The following NIN variants were observed in gnomAD, a reference collection of about 807,000 sequenced individuals.
The protein encoded by NIN is glycogen synthase kinase 3 beta-interacting protein.
NIN carries 137 observed loss-of-function variants against 257.6 expected under a neutral mutation model. The ratio of observed to expected loss-of-function variants is 0.53; its 90% confidence interval spans 0.46 to 0.61. The LOEUF is 0.61. Ranked by LOEUF, NIN falls within the 20% of genes least tolerant of loss-of-function variation. The pLI, the probability that NIN is intolerant of heterozygous loss-of-function variation, is 0.00. For synonymous variants in NIN, 918 were observed against 919.8 expected (o/e 1.00, Z 0.04); for missense variants, 2,439 against 2,501.2 (o/e 0.98, Z 0.53).
At chr14:50,761,740 C>T (rs750670961) in intron 16 of NIN, 50 bp downstream of exon 16, 1 of 1,609,876 alleles carries the variant, frequency 6.2e-7, no homozygotes, top group Non-Finnish European at 8.5e-7. Context: ...ACACATAAGC[C>T]TGTCAGAGCC....
chr14:50,766,737 A>T (rs371951478), intron 13 of NIN, 43 bp downstream of exon 13: 2 of 1,367,254 alleles, frequency 1.5e-6, no homozygotes, highest in African/African-American at 2.9e-5. Flanking sequence ...TAAACTACAT[A>T]AAGTAGGCTG....
Position 50,757,745 on chromosome 14 carries a change from T to C in NIN, c.3285A>G (p.Leu1095=), listed in dbSNP as rs907572079. The stretch of plus-strand genomic sequence containing the variant: ...TTACTAACCCTGGCTCTAACTTTTG[T>C]AGCCTCTGTTGCAATCTAGAAATTT... The part of the protein sequence containing the change: ...ATEISRLQQR[L]QKLEPGLVMS... Residue 1095 remains leucine (L), a synonymous_variant, in exon 18 of 31, where the codon CTA becomes CTG. Transcript: ENST00000530997. 5.0e-6 allele frequency: 8 copies of C among 1,614,112 alleles called. No homozygotes were observed. In the African/African-American group the frequency reaches 1.1e-4, roughly 22 times the overall value.
chr14:50,748,530 G>T lies in NIN; in HGVS notation c.4951-425C>A, dbSNP rs1377761650. Among the ~76,000 whole-genome samples the T allele has an allele frequency of 2.6e-5, 4 of 152,180 alleles. No homozygotes were observed. The East Asian group carries it at 7.7e-4, about 29-fold the overall frequency. ...TCAAATAGGAAGAGAGGAAGTCAGA[G>T]TGTCTCTGTTTGCAGATGACGTGAT... On this transcript the variant is annotated intron_variant, in intron 21 of 30. Coordinates refer to ENST00000530997, the MANE Select transcript of NIN (RefSeq NM_020921.4).
Position 50,770,902 on chromosome 14 carries a change from C to G in NIN, c.1209G>C (p.Glu403Asp), listed in dbSNP as rs775270274. ...AEKLKSLMAS[E>D]VDDHHAAIER... is the part of the protein sequence containing the mutation. ...CTATGGCCGCATGGTGATCATCCAC[C>G]TCCGAGGCCATTAAAGACTTGAGCT... Residue 403 changes from glutamate (E) to aspartate (D), a missense_variant, in exon 11 of 31, where the codon GAG becomes GAC. Physicochemically the swap from Glu to Asp is conservative, Grantham distance 45. Around this residue, in one of 3 missense-constraint regions of NIN, gnomAD observed 2,043 missense variants for 2,050.2 expected, o/e 1.00. Coordinates refer to ENST00000530997, the MANE Select transcript of NIN (RefSeq NM_020921.4). The G allele has an allele frequency of 6.2e-7, 1 of 1,614,222 alleles. No individual in the cohort carries two copies. The highest frequency in any genetic ancestry group is 8.5e-7 in the Non-Finnish European group (1 of 1,180,034).
At chr14:50,735,751 CA>C in intron 27 of NIN, 134 bp from the exon 28 acceptor site, 1 of 1,143,752 alleles carries the variant, frequency 8.7e-7, no homozygotes, top group Non-Finnish European at 1.2e-6. Flanking sequence ...CAGTGACAAA[CA>C]AATAATACAA....
At chr14:50,821,521 C>A (rs2045221262) in intron 3 of NIN, among the ~76,000 whole-genome samples, 3 of 152,214 alleles carry the variant, frequency 2.0e-5, no homozygotes, top group African/African-American at 7.2e-5. Flanking sequence ...TTTCTTACTG[C>A]ATTTTCTTTC....
chr14:50,747,362 T>C (rs2041593030), intron 22 of NIN, among the ~76,000 whole-genome samples: 1 of 152,194 alleles, frequency 6.6e-6, no homozygotes, highest in Non-Finnish European at 1.5e-5. Context: ...GACAAACATA[T>C]GTTACTTTAT....
chr14:50,766,946 G>C (rs2042512567), intron 12 of NIN, 56 bp from the exon 13 acceptor site: 1 of 1,191,124 alleles, frequency 8.4e-7, no homozygotes, highest in South Asian at 1.2e-5. Context: ...AGCAAACTGT[G>C]GTACTATTTT....
At chr14:50,798,570 T>C (rs1056110214) in intron 4 of NIN, among the ~76,000 whole-genome samples, 1 of 152,228 alleles carries the variant, frequency 6.6e-6, no homozygotes, top group Non-Finnish European at 1.5e-5. Context: ...AACCTTTTCA[T>C]AGGAGGATCA....
intron 3 of NIN, among the ~76,000 whole-genome samples, chr14:50,808,585 T>A (rs962278128): frequency 3.4e-4 from 51 of 152,184 alleles, no homozygotes; most frequent in African/African-American, 1.2e-3. Context: ...ATCTAACAAC[T>A]GATATTTATT....
At chr14:50,801,783 CAATGAAACAATCATCTGTACCAAAACAA>C in intron 4 of NIN, among the ~76,000 whole-genome samples, 1 of 152,302 alleles carries the variant, frequency 6.6e-6, no homozygotes, top group Admixed American at 6.5e-5. Flanking sequence ...AGGTCTGTTA[CAATGAAACAATCATCTGTACCAAAACAA>C]TGCCTGGTCC....
chr14:50,824,011 T>C (rs1343257176), intron 2 of NIN, among the ~76,000 whole-genome samples: 1 of 152,174 alleles, frequency 6.6e-6, no homozygotes, highest in African/African-American at 2.4e-5. Flanking sequence ...ATCCCCAAGG[T>C]GCTCCAGGAT....
Position 50,762,645 on chromosome 14 carries a change from G to A in NIN, c.1775-734C>T, listed in dbSNP as rs114385810. Among the ~76,000 whole-genome samples the A allele has an allele frequency of 4.3e-3, 660 of 152,272 alleles. 7 individuals are homozygous for A. Among genetic ancestry groups the A allele is most frequent in the African/African-American group, 0.015 (616 of 41,554 alleles). ...GCTCATCTCTGCAACTGCCCACGAC[G>A]ATGACTGAGAATGACACTGAAAATG... On this transcript the variant is annotated intron_variant, in intron 15 of 30. Transcript: ENST00000530997.
intron 12 of NIN, among the ~76,000 whole-genome samples, chr14:50,769,062 T>C (rs2141770931): frequency 6.6e-6 from 1 of 152,366 alleles, no homozygotes; most frequent in Non-Finnish European, 1.5e-5. Flanking sequence ...TAGGGAGTAA[T>C]AATTACCTCA....
chr14:50,789,851 A>G (rs1341856159), intron 5 of NIN, among the ~76,000 whole-genome samples: 2 of 152,180 alleles, frequency 1.3e-5, no homozygotes, highest in African/African-American at 2.4e-5. Flanking sequence ...GCTAAGCCTA[A>G]TATGGAAACT....
chr14:50,819,698 C>T (rs1434491957), intron 3 of NIN, among the ~76,000 whole-genome samples: 1 of 152,220 alleles, frequency 6.6e-6, no homozygotes, highest in African/African-American at 2.4e-5. Flanking sequence ...GCCTGACAGG[C>T]AGGACACACA....
At chr14:50,742,392 C>CT (rs796578867) in intron 24 of NIN, 40,030 of 138,268 alleles carry the variant, frequency 0.29, 6,258 homozygotes, top group Middle Eastern at 0.38. Context: ...GAAACCTCAC[C>CT]TTTTTTTTTT....
intron 4 of NIN, among the ~76,000 whole-genome samples, chr14:50,796,727 A>C (rs6572698): frequency 0.99 from 151,122 of 152,266 alleles, 75,016 homozygotes; most frequent in East Asian, 1. Context: ...GGGAAATAAC[A>C]AACACCCGCC....
chr14:50,781,171 G>T (rs1209477994), intron 5 of NIN, among the ~76,000 whole-genome samples: 3 of 152,078 alleles, frequency 2.0e-5, no homozygotes, highest in Non-Finnish European at 4.4e-5. Context: ...AAACACCCCA[G>T]AACTAAATCC....
Sources: allele counts gnomAD v4.1 joint callset (sites outside exome capture counted in the v4.1 genomes callset), GRCh38; gene constraint gnomAD v4.1.1; regional missense constraint gnomAD v4.1.1; transcripts MANE v1.5; gene names NCBI Gene and HGNC (gene_info 2026-07-23, HGNC 2026-07-21).